The following KLHL13 variants were observed in gnomAD, a reference collection of about 807,000 sequenced individuals.
KLHL13 encodes kelch like family member 13, also known as kelch-like protein 13.
In KLHL13, 10 loss-of-function variants were observed where a neutral mutation model predicts 37.1. The ratio of observed to expected loss-of-function variants is 0.27; its 90% CI spans 0.17 to 0.46. KLHL13 has a LOEUF of 0.46. KLHL13 is among the 20% of genes least tolerant of loss of function. The pLI is 1.00. For synonymous variants in KLHL13, 163 were observed against 181.2 expected (o/e 0.90, Z 0.81); for missense variants, 360 against 509.3 (o/e 0.71, Z 2.82).
chrX:117,972,316 T>A (rs964460932), intron 1 of KLHL13, among the ~76,000 whole-genome samples: 1 of 112,145 alleles, frequency 8.9e-6, no homozygotes, highest in Non-Finnish European at 1.9e-5. Flanking sequence ...TTTTAATTCA[T>A]GAAAAAATAG....
intron 1 of KLHL13, among the ~76,000 whole-genome samples, chrX:117,990,437 G>A (rs746630977): frequency 8.9e-6 from 1 of 111,919 alleles, no homozygotes; most frequent in African/African-American, 3.2e-5. Context: ...TACCACCTAG[G>A]CCAGGGAATA....
chrX:118,048,488 C>A lies in KLHL13; in HGVS notation c.-56+68020G>T, dbSNP rs189030258. On this transcript the variant is annotated intron_variant, in intron 1 of 6. Transcript: ENST00000371882. Reference sequence around the variant, plus strand: ...ACCTGTATCTTTTTTTGTTGAGGATCTAAAACAAAAATGGCAAAATTTTGA... The same window carrying A: ...ACCTGTATCTTTTTTTGTTGAGGATATAAAACAAAAATGGCAAAATTTTGA... Among the ~76,000 whole-genome samples the A allele has an allele frequency of 4.5e-5, 5 of 111,373 alleles. No individual in the cohort carries two copies. The East Asian group carries it at 1.4e-3, about 31-fold the overall frequency.
chrX:117,945,373 A>G (rs921986805), intron 2 of KLHL13, 61 bp downstream of exon 3: 1 of 1,119,147 alleles, frequency 8.9e-7, no homozygotes, highest in African/African-American at 1.8e-5. Context: ...CCTGCATCAC[A>G]AAATCCATGG....
rs780186283 is a variant in KLHL13, at chrX:117,898,911, A to C, written c.1965T>G (p.Pro655=). 7.5e-6 allele frequency: 9 copies of C among 1,198,132 alleles called. No individual in the cohort carries two copies. In the Admixed American group the frequency reaches 1.6e-4, roughly 21 times the overall value. Residue 655 remains proline (P), a synonymous_variant, in exon 7 of 7, where the codon CCT becomes CCG. Coordinates refer to ENST00000262820, the Ensembl canonical transcript of KLHL13. ...CATCTTAGTTGTAGAGATGATCTTA[A>C]GGTGCAGAAAGAGGGGACTCTCTAG...
chrX:118,051,597 A>G (rs2148073053), intron 1 of KLHL13, among the ~76,000 whole-genome samples: 1 of 111,291 alleles, frequency 9.0e-6, no homozygotes, highest in African/African-American at 3.3e-5. Context: ...GGAAGCACAT[A>G]AAAGAATAAA....
intron 1 of KLHL13, among the ~76,000 whole-genome samples, chrX:118,004,798 T>C (rs996666864): frequency 8.1e-5 from 9 of 111,617 alleles, no homozygotes; most frequent in African/African-American, 2.9e-4. Context: ...GTTATCAAGT[T>C]GTATGGGACA....
chrX:117,925,871 G>A (rs1383903966), intron 2 of KLHL13, among the ~76,000 whole-genome samples: 1 of 110,946 alleles, frequency 9.0e-6, no homozygotes, highest in Non-Finnish European at 1.9e-5. Context: ...TTGTTGTTTT[G>A]TAGAGAAGGG....
At position 118,038,697 on chromosome X, in the gene KLHL13, T is replaced by C. The variant is rs142895340; in HGVS notation, c.-56+77811A>G. On this transcript the variant is annotated intron_variant, in intron 1 of 6. Transcript: ENST00000371882. ...TACCATGGGCTAAAGCGCTCTGGCA[T>C]TCTAAATAAAGTGAGAAGGCAGTCC... is the stretch of plus-strand genomic sequence containing the variant. Among the ~76,000 whole-genome samples the C allele has an allele frequency of 1.5e-3, 166 of 111,624 alleles. 2 individuals are homozygous for C. The highest frequency in any genetic ancestry group is 5.2e-3 in the African/African-American group (161 of 30,718).
chrX:118,088,254 T>C (rs1459383670), intron 1 of KLHL13, among the ~76,000 whole-genome samples: 2 of 112,100 alleles, frequency 1.8e-5, no homozygotes, highest in Non-Finnish European at 3.8e-5. Context: ...CAATACCCTG[T>C]GCCAATATTT....
rs57382655 is a variant in KLHL13 at position 118,007,370 on chromosome X, CA to C, written c.-55-61796del. On this transcript the variant is annotated intron_variant, in intron 1 of 6. Coordinates refer to the KLHL13 transcript ENST00000371882. Reference sequence around the variant, plus strand: ...CCTGGGCAACAGAAGGAGACCCTGTCAAAAAAAAAAAAAAAAAAAAAAAGAG... The same window carrying C: ...CCTGGGCAACAGAAGGAGACCCTGTCAAAAAAAAAAAAAAAAAAAAAAGAG... 7.4e-3 allele frequency among the ~76,000 whole-genome samples: 343 copies of C among 46,567 alleles called. 2 individuals are homozygous for C. The highest frequency in any genetic ancestry group is 0.014 in the African/African-American group (238 of 17,361). The allele number at this position is 46,567 out of a possible 115,157, so 40.4% of individuals were successfully genotyped here.
At chrX:117,965,768 A>T (rs1353793300) in intron 1 of KLHL13, among the ~76,000 whole-genome samples, 39 of 111,757 alleles carry the variant, frequency 3.5e-4, no homozygotes, top group African/African-American at 1.0e-3. Flanking sequence ...ATCAATAAAC[A>T]TAATCCAGCA....
intron 4 of KLHL13, among the ~76,000 whole-genome samples, chrX:117,917,517 T>C (rs755533518): frequency 8.9e-6 from 1 of 112,256 alleles, no homozygotes; most frequent in East Asian, 2.8e-4. Flanking sequence ...TCAACACAGG[T>C]TAAGGAACCA....
intron 1 of KLHL13, among the ~76,000 whole-genome samples, chrX:118,064,094 A>G (rs1170093152): frequency 9.0e-6 from 1 of 111,698 alleles, no homozygotes; most frequent in East Asian, 2.8e-4. Context: ...AAATTCACAA[A>G]TATTTGAAGG....
intron 1 of KLHL13, among the ~76,000 whole-genome samples, chrX:118,029,516 T>C (rs2054312601): frequency 8.9e-6 from 1 of 112,157 alleles, no homozygotes; most frequent in African/African-American, 3.2e-5. Flanking sequence ...TGCCGATGTA[T>C]AACACTGGGA....
At chrX:117,970,580 TTAAG>T (rs751368464) in intron 1 of KLHL13, among the ~76,000 whole-genome samples, 7 of 111,677 alleles carry the variant, frequency 6.3e-5, no homozygotes, top group African/African-American at 2.3e-4. Context: ...TATGCTATAC[TTAAG>T]TATCATTTTG....
rs761247068 is a variant in KLHL13, at chrX:118,045,331, G to A, written c.-56+71177C>T. 5.9e-5 allele frequency among the ~76,000 whole-genome samples: 6 copies of A among 101,070 alleles called. No homozygotes were observed. The South Asian group carries it at 2.4e-3, about 40-fold the overall frequency. 87.8% of individuals were successfully genotyped at this position (101,070 alleles called of 115,157 possible). A position where few individuals can be genotyped will look rare whatever the true frequency, so the allele number is the denominator to read the frequency against. On this transcript the variant is annotated intron_variant, in intron 1 of 6. Transcript: ENST00000371882. ...GGAGCTTGCAGTGAACCAAGATCGC[G>A]CCACTGCACTCCAGCCTAGGCGACA... is the stretch of plus-strand genomic sequence containing the variant.
intron 1 of KLHL13, among the ~76,000 whole-genome samples, chrX:117,992,287 T>C (rs1279057155): frequency 9.3e-6 from 1 of 108,096 alleles, no homozygotes; most frequent in African/African-American, 3.4e-5. Flanking sequence ...CAAATCTCAA[T>C]TTCTCTATCA....
exon 1 of KLHL13, chrX:117,972,933 A>G (rs907809567): frequency 8.1e-6 from 9 of 1,110,446 alleles, no homozygotes; most frequent in Non-Finnish European, 9.4e-6. Flanking sequence ...GCTGCCGCGG[A>G]GAACAAGCAA....
intron 2 of KLHL13, among the ~76,000 whole-genome samples, chrX:117,932,307 A>G (rs1932494906): frequency 9.0e-6 from 1 of 110,684 alleles, no homozygotes; most frequent in Non-Finnish European, 1.9e-5. Context: ...GTAGCTTTGT[A>G]CTCATTGACC....
Sources: allele counts gnomAD v4.1 joint callset (sites outside exome capture counted in the v4.1 genomes callset), GRCh38; gene constraint gnomAD v4.1.1; transcripts MANE v1.5; gene names NCBI Gene and HGNC (gene_info 2026-07-23, HGNC 2026-07-21).